Variants in DCLK1 observed in about 807,000 individuals in gnomAD.
The protein encoded by DCLK1 is serine/threonine-protein kinase DCLK1.
DCLK1 carries 16 observed loss-of-function variants against 86.2 expected under a neutral mutation model. The observed-to-expected ratio is 0.19, with a 90% CI of 0.13 to 0.28. The LOEUF (loss-of-function observed/expected upper bound fraction) is 0.28, where lower values mean the gene tolerates loss of function less well. DCLK1 is among the 10% of genes least tolerant of loss of function. DCLK1 has a pLI of 1.00. For missense variants in DCLK1, 590 were observed against 940.2 expected (o/e 0.63, Z 4.87); for synonymous variants, 369 against 370.5 (o/e 1.00, Z 0.05).
chr13:35,808,721 T>C (rs974548774), intron 13 of DCLK1, among the ~76,000 whole-genome samples: 15 of 151,776 alleles, frequency 9.9e-5, no homozygotes, highest in Admixed American at 2.6e-4. Flanking sequence ...AGGCAGAGGT[T>C]GCAGTGAGCT....
At chr13:35,894,302 T>C (rs1429755355) in intron 4 of DCLK1, among the ~76,000 whole-genome samples, 2 of 152,316 alleles carry the variant, frequency 1.3e-5, no homozygotes, top group Non-Finnish European at 2.9e-5. Flanking sequence ...ACTTAAGGCT[T>C]AGCACGGCAA....
chr13:35,783,355 A>C (rs527297281), intron 16 of DCLK1, among the ~76,000 whole-genome samples: 1 of 152,184 alleles, frequency 6.6e-6, no homozygotes, highest in East Asian at 1.9e-4. Context: ...GGGGTGTGTG[A>C]AAGCACTTTT....
intron 16 of DCLK1, among the ~76,000 whole-genome samples, chr13:35,777,999 C>T (rs2086455091): frequency 6.6e-6 from 1 of 152,238 alleles, no homozygotes; most frequent in South Asian, 2.1e-4. Context: ...AAGCGTTGGA[C>T]ATCGTCTCTG....
chr13:35,812,493 G>A (rs553911217), intron 11 of DCLK1, among the ~76,000 whole-genome samples: 7 of 152,290 alleles, frequency 4.6e-5, no homozygotes, highest in South Asian at 2.1e-4. Flanking sequence ...CAGGGGCACC[G>A]CTACTGTTCA....
chr13:35,901,811 T>C (rs187322014), intron 4 of DCLK1, among the ~76,000 whole-genome samples: 1 of 152,110 alleles, frequency 6.6e-6, no homozygotes, highest in East Asian at 1.9e-4. Flanking sequence ...ACTCACTCAC[T>C]GCCAACCACG....
chr13:35,979,424 A>G (rs933625384), intron 3 of DCLK1, among the ~76,000 whole-genome samples: 4 of 152,162 alleles, frequency 2.6e-5, no homozygotes, highest in African/African-American at 9.7e-5. Context: ...AAGCTTCTAA[A>G]CAGCCACTGC....
At chr13:35,852,738 C>T (rs549962346) in intron 6 of DCLK1, among the ~76,000 whole-genome samples, 79 of 152,228 alleles carry the variant, frequency 5.2e-4, no homozygotes, top group African/African-American at 1.8e-3. Flanking sequence ...GAATTCTAGC[C>T]CCATTCTGCC....
intron 5 of DCLK1, among the ~76,000 whole-genome samples, chr13:35,858,887 T>G (rs1398458360): frequency 6.6e-6 from 1 of 152,214 alleles, no homozygotes; most frequent in East Asian, 1.9e-4. Flanking sequence ...TTCAGACTCT[T>G]CCTCTTGGCC....
chr13:36,122,672 C>T (rs1177104250), intron 2 of DCLK1, among the ~76,000 whole-genome samples: 1 of 152,054 alleles, frequency 6.6e-6, no homozygotes, highest in Non-Finnish European at 1.5e-5. Context: ...CGGAAATAGG[C>T]CTGCAATTCA....
intron 3 of DCLK1, among the ~76,000 whole-genome samples, chr13:36,102,930 A>G (rs977362636): frequency 2.0e-5 from 3 of 152,218 alleles, no homozygotes; most frequent in Admixed American, 6.5e-5. Flanking sequence ...ACTTGGCTTC[A>G]GGGGATCTGA....
chr13:36,000,370 T>G (rs897170768), intron 3 of DCLK1, among the ~76,000 whole-genome samples: 1 of 152,124 alleles, frequency 6.6e-6, no homozygotes, highest in Non-Finnish European at 1.5e-5. Flanking sequence ...TGATGGCAGT[T>G]CTAGGGGTGA....
intron 8 of DCLK1, among the ~76,000 whole-genome samples, chr13:35,835,041 G>T (rs1869257024): frequency 6.6e-6 from 1 of 152,158 alleles, no homozygotes; most frequent in Non-Finnish European, 1.5e-5. Flanking sequence ...CTCTGATATG[G>T]CAGGAACCTG....
chr13:35,953,286 C>T (rs1877805200), intron 3 of DCLK1, among the ~76,000 whole-genome samples: 1 of 152,038 alleles, frequency 6.6e-6, no homozygotes, highest in Non-Finnish European at 1.5e-5. Context: ...ACTTAGAACC[C>T]AAATGCAGGC....
intron 3 of DCLK1, among the ~76,000 whole-genome samples, chr13:36,054,844 G>C (rs1239194677): frequency 6.6e-6 from 1 of 152,108 alleles, no homozygotes; most frequent in Non-Finnish European, 1.5e-5. Flanking sequence ...TAACAAGCTG[G>C]GGACTTGTTA....
intron 3 of DCLK1, among the ~76,000 whole-genome samples, chr13:36,087,961 GAGC>G (rs1884671789): frequency 6.6e-6 from 1 of 152,222 alleles, no homozygotes; most frequent in Non-Finnish European, 1.5e-5. Context: ...GAGTGCCCAT[GAGC>G]ATAGGATGCT....
intron 3 of DCLK1, among the ~76,000 whole-genome samples, chr13:36,090,849 C>T (rs1245697687): frequency 6.6e-6 from 1 of 152,074 alleles, no homozygotes; most frequent in Non-Finnish European, 1.5e-5. Flanking sequence ...GTCCCAGCCC[C>T]CACCCTACCC....
At chr13:35,976,630 A>G (rs1879355105) in intron 3 of DCLK1, among the ~76,000 whole-genome samples, 1 of 140,360 alleles carries the variant, frequency 7.1e-6, no homozygotes, top group Non-Finnish European at 1.5e-5. Context: ...TCCCGGGTTC[A>G]TTTCATTCTC....
intron 2 of DCLK1, among the ~76,000 whole-genome samples, chr13:36,115,103 C>T (rs2138196355): frequency 6.6e-6 from 1 of 152,174 alleles, no homozygotes; most frequent in South Asian, 2.1e-4. Context: ...GTGGATGAGG[C>T]TGCAGTGAGC....
rs117559339 is a variant in DCLK1 at position 36,004,149 on chromosome 13, G to A, written c.724-56692C>T. On this transcript the variant is annotated intron_variant, in intron 3 of 16. Coordinates refer to ENST00000360631, the MANE Select transcript of DCLK1 (RefSeq NM_001330071.2). ...CCTTGATTATCAGAAGGGAATCAGCGTCAGCTTCCTTTTTGGAAAGCCACA... is the reference window on the plus strand; with the variant it reads ...CCTTGATTATCAGAAGGGAATCAGCATCAGCTTCCTTTTTGGAAAGCCACA... Among the ~76,000 whole-genome samples, 1,330 of 152,244 alleles carry A rather than the reference G, an allele frequency of 8.7e-3. 11 individuals carry two copies. The highest frequency in any genetic ancestry group is 0.012 in the Non-Finnish European group (815 of 68,016).
Sources: allele counts gnomAD v4.1 joint callset (sites outside exome capture counted in the v4.1 genomes callset), GRCh38; gene constraint gnomAD v4.1.1; transcripts MANE v1.5; gene names NCBI Gene and HGNC (gene_info 2026-07-23, HGNC 2026-07-21).